Variants in TMEM67 observed in about 807,000 individuals in gnomAD.
TMEM67 encodes the protein transmembrane protein 67.
A neutral mutation model predicts 136.6 loss-of-function variants in TMEM67; 124 were observed. That is an observed-to-expected ratio of 0.91 (90% CI 0.78 to 1.05). The LOEUF (loss-of-function observed/expected upper bound fraction) is 1.05. Ranked by LOEUF, TMEM67 falls within the 50% of genes least tolerant of loss-of-function variation. The pLI is 0.00. For synonymous variants in TMEM67, 364 were observed against 390.5 expected (o/e 0.93, Z 0.80); for missense variants, 1,107 against 1,178.4 (o/e 0.94, Z 0.89).
chr8:93,816,317 G>C, intron 27 of TMEM67, 55 bp from the exon 28 acceptor site: 1 of 814,692 alleles, frequency 1.2e-6, no homozygotes, highest in South Asian at 1.7e-5. Flanking sequence ...TAATCGACGT[G>C]CATATTTAAT....
At chr8:93,782,647 C>T (rs773424704) in intron 11 of TMEM67, among the ~76,000 whole-genome samples, 187 bp downstream of exon 11, 3 of 138,570 alleles carry the variant, frequency 2.2e-5, no homozygotes, top group South Asian at 2.3e-4. Flanking sequence ...AATCTCAGTT[C>T]ACCACAACCT....
intron 4 of TMEM67, among the ~76,000 whole-genome samples, chr8:93,764,501 AACAC>A (rs5893257): frequency 0.014 from 2,072 of 149,420 alleles, 12 homozygotes; most frequent in Non-Finnish European, 0.02. Flanking sequence ...GTATTTGTGA[AACAC>A]ACACACACAC....
At chr8:93,812,135 G>C (rs1808726232) in intron 26 of TMEM67, among the ~76,000 whole-genome samples, 1 of 143,772 alleles carries the variant, frequency 7.0e-6, no homozygotes, top group Middle Eastern at 3.5e-3. Flanking sequence ...GGCAACAAGA[G>C]CAAAACTCTG....
Position 93,817,561 on chromosome 8 carries a change from T to G in TMEM67, c.*1109T>G, listed in dbSNP as rs1183244771. The G allele has an allele frequency of 1.3e-5, 2 of 152,182 alleles. No homozygotes were observed. The highest frequency in any genetic ancestry group is 2.9e-5 in the Non-Finnish European group (2 of 68,042). 9.4% of individuals were successfully genotyped at this position (152,182 alleles called of 1,614,324 possible). A position where few individuals can be genotyped will look rare whatever the true frequency, so the allele number is the denominator to read the frequency against. Reference sequence around the variant, plus strand: ...AACAAAACACTGTAAATGTATCATGTTTCTCACTGCTTTCTATGTTAATGC... The same window carrying G: ...AACAAAACACTGTAAATGTATCATGGTTCTCACTGCTTTCTATGTTAATGC... On this transcript the variant is annotated 3_prime_UTR_variant, in exon 28 of 28. Coordinates refer to ENST00000453321, the MANE Select transcript of TMEM67 (RefSeq NM_153704.6).
rs768276955 is a variant in TMEM67 at position 93,793,148 on chromosome 8, C to T, written c.1576-50C>T. 1.9e-5 allele frequency: 29 copies of T among 1,529,264 alleles called. 1 individual carries two copies. The highest frequency in any genetic ancestry group is 1.5e-4 in the South Asian group (13 of 89,346). The allele number at this position is 1,529,264 out of a possible 1,614,324, so 94.7% of individuals were successfully genotyped here. On this transcript the variant is annotated intron_variant, in intron 15 of 27. Coordinates refer to ENST00000453321, the MANE Select transcript of TMEM67 (RefSeq NM_153704.6). ...CTTACTTGTTCACAGTGTTTTTGAA[C>T]ACCGATGACAGAAATTACATAAATT...
At chr8:93,810,093 C>T (rs1808642207) in intron 26 of TMEM67, 1 of 386,996 alleles carries the variant, frequency 2.6e-6, no homozygotes. Context: ...CTCAGCTTCC[C>T]AAGTAGCTGG....
At chr8:93,773,662 T>G (rs1454742142) in intron 7 of TMEM67, among the ~76,000 whole-genome samples, 1 of 152,218 alleles carries the variant, frequency 6.6e-6, no homozygotes, top group Non-Finnish European at 1.5e-5. Flanking sequence ...TGGAATTGCC[T>G]TTTCCTAATA....
At chr8:93,807,289 C>T (rs906585411) in intron 23 of TMEM67, among the ~76,000 whole-genome samples, 2 of 152,004 alleles carry the variant, frequency 1.3e-5, no homozygotes, top group East Asian at 3.9e-4. Flanking sequence ...AATGTTAACT[C>T]AAGGAAAAAT....
intron 6 of TMEM67, among the ~76,000 whole-genome samples, chr8:93,771,842 A>G (rs1421757938): frequency 6.6e-6 from 1 of 152,224 alleles, no homozygotes; most frequent in African/African-American, 2.4e-5. Context: ...TGCTTATTAA[A>G]TATACACAAA....
chr8:93,825,425 G>A, the TMEM67 span, among the ~76,000 whole-genome samples: 1 of 152,202 alleles, frequency 6.6e-6, no homozygotes, highest in African/African-American at 2.4e-5. Context: ...GCCCCATTGG[G>A]TGCTATTCAC....
intron 26 of TMEM67, 82 bp downstream of exon 26, chr8:93,809,969 TTC>T: frequency 1.1e-5 from 10 of 919,930 alleles, no homozygotes; most frequent in South Asian, 3.0e-5. Flanking sequence ...TTTTCTTTTT[TTC>T]TTTTTTTTTT....
intron 14 of TMEM67, among the ~76,000 whole-genome samples, chr8:93,789,665 TATA>T (rs1481125083): frequency 3.3e-4 from 10 of 29,880 alleles, no homozygotes; most frequent in South Asian, 1.4e-3. Context: ...TATATATATA[TATA>T]TATTTTTTTT....
chr8:93,808,838 A>T lies in TMEM67; in HGVS notation c.2440-2A>T. 6.3e-7 allele frequency: 1 copy of T among 1,590,898 alleles called. No homozygotes were observed. The highest frequency in any genetic ancestry group is 8.6e-7 in the Non-Finnish European group (1 of 1,159,550). ...CTTAACTTAAATTCTTTAACTTTTC[A>T]GGAAAATTTGTGTAGCCAGAGAGGT... On this transcript the variant is annotated splice_acceptor_variant, in intron 23 of 27. Transcript: ENST00000453321. LOFTEE classifies it high-confidence loss of function.
chr8:93,776,371 A>G (rs916752307), intron 7 of TMEM67, among the ~76,000 whole-genome samples: 12 of 152,210 alleles, frequency 7.9e-5, no homozygotes, highest in Non-Finnish European at 1.5e-4. Flanking sequence ...TGCCCTGGCC[A>G]GAACTTCCAA....
chr8:93,810,482 A>T (rs1787801233), intron 26 of TMEM67, among the ~76,000 whole-genome samples: 1 of 152,016 alleles, frequency 6.6e-6, no homozygotes, highest in African/African-American at 2.4e-5. Context: ...TGGGAGGCTG[A>T]GGCAGGAGAA....
At chr8:93,799,242 T>C (rs1028519613) in intron 20 of TMEM67, among the ~76,000 whole-genome samples, 2 of 152,152 alleles carry the variant, frequency 1.3e-5, no homozygotes, top group Admixed American at 6.5e-5. Flanking sequence ...TATAAAAATG[T>C]TTAGTACAGT....
chr8:93,759,274 C>A (rs912333322), intron 3 of TMEM67: 1 of 151,368 alleles, frequency 6.6e-6, no homozygotes. Flanking sequence ...CCAGTCTGGG[C>A]AACATGGTGA....
downstream of TMEM67, among the ~76,000 whole-genome samples, chr8:93,820,126 A>G (rs1167728791): frequency 1.3e-5 from 2 of 152,140 alleles, no homozygotes; most frequent in African/African-American, 4.8e-5. Context: ...CAGAAACTCC[A>G]GTAAGCACCC....
chr8:93,801,840 G>A (rs1178744314), intron 21 of TMEM67, among the ~76,000 whole-genome samples: 1 of 152,112 alleles, frequency 6.6e-6, no homozygotes, highest in East Asian at 1.9e-4. Flanking sequence ...AGTTAGTAAA[G>A]GACAGCTGAC....
Sources: allele counts gnomAD v4.1 joint callset (sites outside exome capture counted in the v4.1 genomes callset), GRCh38; gene constraint gnomAD v4.1.1; transcripts MANE v1.5; gene names NCBI Gene and HGNC (gene_info 2026-07-23, HGNC 2026-07-21).